The following CDKAL1 variants were observed in gnomAD, a reference collection of about 807,000 sequenced individuals.
The protein encoded by CDKAL1 is CDKAL1 threonylcarbamoyladenosine tRNA methylthiotransferase, also known as threonylcarbamoyladenosine tRNA methylthiotransferase.
In CDKAL1, 32 loss-of-function variants were observed where a neutral mutation model predicts 68.2. That is an observed-to-expected ratio of 0.47 (90% CI 0.35 to 0.63). CDKAL1 has a LOEUF of 0.63. Ranked by LOEUF, CDKAL1 falls within the 30% of genes least tolerant of loss-of-function variation. The probability of loss-of-function intolerance (pLI) is 0.00; values close to 1 mark genes in which losing one functional copy is unlikely to be tolerated. For missense variants in CDKAL1, 606 were observed against 696.7 expected, an observed-to-expected ratio of 0.87 and a Z score of 1.47; for synonymous variants, 234 against 244.3, an observed-to-expected ratio of 0.96 and a Z score of 0.39.
intron 12 of CDKAL1, among the ~76,000 whole-genome samples, chr6:21,091,965 C>A (rs1411165002): frequency 6.8e-6 from 1 of 146,010 alleles, no homozygotes; most frequent in Non-Finnish European, 1.5e-5. Flanking sequence ...CGGCTCACTG[C>A]AAGCTCCGCC....
chr6:20,730,709 G>C (rs1384823135), intron 5 of CDKAL1, among the ~76,000 whole-genome samples: 2 of 151,936 alleles, frequency 1.3e-5, no homozygotes, highest in Non-Finnish European at 2.9e-5. Flanking sequence ...GCTGGGTGTG[G>C]TGGCACGTGC....
rs111364203 is a variant in CDKAL1, at chr6:20,545,362, G to A, written c.-5-984G>A. On this transcript the variant is annotated intron_variant, in intron 2 of 15. Coordinates refer to ENST00000274695, the MANE Select transcript of CDKAL1 (RefSeq NM_017774.3). ...AAAATTTTGAATATTTAGAAAAGTC[G>A]TATAGGATAATGAACATGAACCTAT... Among the ~76,000 whole-genome samples, 6 of 151,966 alleles carry A rather than the reference G, an allele frequency of 3.9e-5. No individual in the cohort carries two copies. In the South Asian group the frequency reaches 8.3e-4, roughly 21 times the overall value.
At chr6:21,177,719 A>G (rs1019546606) in intron 13 of CDKAL1, among the ~76,000 whole-genome samples, 35 of 150,588 alleles carry the variant, frequency 2.3e-4, no homozygotes, top group African/African-American at 8.1e-4. Context: ...TGGCTAATGG[A>G]TCTATCCAAA....
chr6:20,630,083 G>A (rs569363079), intron 4 of CDKAL1, among the ~76,000 whole-genome samples: 32 of 152,144 alleles, frequency 2.1e-4, no homozygotes, highest in African/African-American at 7.5e-4. Context: ...TGGCCATGCT[G>A]GTCTCAAACT....
chr6:20,635,284 C>T (rs571390278), intron 4 of CDKAL1, among the ~76,000 whole-genome samples: 48 of 152,130 alleles, frequency 3.2e-4, no homozygotes, highest in African/African-American at 9.4e-4. Context: ...CTTTTTACTC[C>T]GGGTGGTGTC....
At chr6:20,948,648 T>C (rs769664787) in intron 9 of CDKAL1, among the ~76,000 whole-genome samples, 1 of 152,212 alleles carries the variant, frequency 6.6e-6, no homozygotes, top group Non-Finnish European at 1.5e-5. Flanking sequence ...GTTGAGCCTG[T>C]TGTGATTTTT....
At chr6:20,863,250 T>G (rs1047106534) in intron 9 of CDKAL1, among the ~76,000 whole-genome samples, 1 of 152,140 alleles carries the variant, frequency 6.6e-6, no homozygotes, top group African/African-American at 2.4e-5. Context: ...GCCCTTTGTA[T>G]TTTGGTCTCA....
At chr6:21,119,832 C>T (rs1411448656) in intron 13 of CDKAL1, among the ~76,000 whole-genome samples, 2 of 152,074 alleles carry the variant, frequency 1.3e-5, no homozygotes, top group East Asian at 3.9e-4. Flanking sequence ...AAACTCAGTA[C>T]TAGGTTCAAT....
intron 11 of CDKAL1, among the ~76,000 whole-genome samples, chr6:21,047,327 A>G (rs936163917): frequency 6.6e-5 from 10 of 152,198 alleles, no homozygotes; most frequent in Admixed American, 5.9e-4. Flanking sequence ...ACTGCTCACA[A>G]TGATAGTATC....
intron 1 of CDKAL1, chr6:20,535,033 A>G (rs1266612250): frequency 6.6e-6 from 1 of 152,148 alleles, no homozygotes; most frequent in Admixed American, 6.6e-5. Flanking sequence ...TATCTTTCGG[A>G]TGGAACGTGA....
intron 5 of CDKAL1, among the ~76,000 whole-genome samples, chr6:20,696,324 C>T (rs1422798932): frequency 6.6e-6 from 1 of 152,192 alleles, no homozygotes; most frequent in East Asian, 1.9e-4. Flanking sequence ...TGTTACTGGG[C>T]ACTCCTAAGG....
intron 13 of CDKAL1, among the ~76,000 whole-genome samples, chr6:21,182,583 T>A (rs1432299987): frequency 2.0e-5 from 3 of 152,236 alleles, no homozygotes. Flanking sequence ...TACTGTTTAG[T>A]AACAGAATTG....
At chr6:20,722,871 G>C (rs1772448604) in intron 5 of CDKAL1, among the ~76,000 whole-genome samples, 3 of 152,040 alleles carry the variant, frequency 2.0e-5, no homozygotes, top group Admixed American at 2.0e-4. Context: ...CAGCCAGCCT[G>C]ACATCGGGGT....
intron 15 of CDKAL1, among the ~76,000 whole-genome samples, chr6:21,207,008 G>A (rs1352914124): frequency 6.6e-6 from 1 of 151,666 alleles, no homozygotes; most frequent in Non-Finnish European, 1.5e-5. Flanking sequence ...CGCCTCCTGG[G>A]TTCAAGTGAT....
chr6:20,792,676 C>G (rs1775947484), intron 8 of CDKAL1, among the ~76,000 whole-genome samples: 1 of 152,172 alleles, frequency 6.6e-6, no homozygotes. Context: ...AAGATATCCT[C>G]TATCAAGATT....
In CDKAL1 at chr6:20,744,180, T is replaced by A. The variant is rs531911189; in HGVS notation, c.468+4565T>A. 4.6e-5 allele frequency among the ~76,000 whole-genome samples: 7 copies of A among 152,336 alleles called. No homozygotes were observed. In the South Asian group the frequency reaches 6.2e-4, roughly 14 times the overall value. On this transcript the variant is annotated intron_variant, in intron 6 of 15. Transcript: ENST00000274695. ...TGTTAGCTGTAGATAGTTTCATATCTTGTGAATATATCTGTTTGAATGTTT... is the reference window on the plus strand; with the variant it reads ...TGTTAGCTGTAGATAGTTTCATATCATGTGAATATATCTGTTTGAATGTTT...
At chr6:21,096,736 T>A (rs931658513) in intron 12 of CDKAL1, among the ~76,000 whole-genome samples, 3 of 152,226 alleles carry the variant, frequency 2.0e-5, no homozygotes, top group Non-Finnish European at 4.4e-5. Context: ...GCTGTCACCC[T>A]TCCTAATTTT....
rs1035802916 is a variant in CDKAL1, at chr6:20,853,604, G to T, written c.742+7426G>T. Among the ~76,000 whole-genome samples, 5 of 152,124 alleles carry T rather than the reference G, an allele frequency of 3.3e-5. 1 individual carries two copies. Among genetic ancestry groups the T allele is most frequent in the Admixed American group, 2.6e-4 (4 of 15,276 alleles). On this transcript the variant is annotated intron_variant, in intron 9 of 15. Coordinates refer to ENST00000274695, the MANE Select transcript of CDKAL1 (RefSeq NM_017774.3). ...TAATATAGATGTAAAATAGATTAAT[G>T]TTCTCAATCTGGCCATTTAACTCAC... is the stretch of plus-strand genomic sequence containing the variant.
chr6:20,978,422 G>A (rs957049506), intron 10 of CDKAL1, among the ~76,000 whole-genome samples: 3 of 152,100 alleles, frequency 2.0e-5, no homozygotes, highest in Non-Finnish European at 4.4e-5. Context: ...TTCAAAATTT[G>A]GTTCTTTTAT....
Sources: allele counts gnomAD v4.1 joint callset (sites outside exome capture counted in the v4.1 genomes callset), GRCh38; gene constraint gnomAD v4.1.1; transcripts MANE v1.5; gene names NCBI Gene and HGNC (gene_info 2026-07-23, HGNC 2026-07-21).